Variants in WWOX observed in about 807,000 individuals in gnomAD.
WWOX encodes the protein WW domain-containing oxidoreductase.
WWOX carries 69 observed loss-of-function variants against 46.2 expected under a neutral mutation model. The ratio of observed to expected loss-of-function variants is 1.49; its 90% CI spans 1.23 to 1.82. The LOEUF (loss-of-function observed/expected upper bound fraction) is 1.82. Ranked by LOEUF, WWOX falls within the 40% of genes most tolerant of loss-of-function variation. The pLI is 0.00. For synonymous variants in WWOX, 359 were observed against 202.6 expected, an observed-to-expected ratio of 1.77 and a Z score of -6.56; for missense variants, 919 against 542.6, an observed-to-expected ratio of 1.69 and a Z score of -6.89.
intron 8 of WWOX, among the ~76,000 whole-genome samples, chr16:78,540,696 TAA>T (rs112608692): frequency 2.1e-5 from 3 of 145,230 alleles, no homozygotes; most frequent in African/African-American, 7.5e-5. Context: ...GATATTTTGT[TAA>T]AAAAAAAAAA....
At chr16:78,723,940 G>C (rs2048761143) in intron 8 of WWOX, among the ~76,000 whole-genome samples, 1 of 152,154 alleles carries the variant, frequency 6.6e-6, no homozygotes, top group African/African-American at 2.4e-5. Flanking sequence ...GACTTCACCT[G>C]CACAGTGGTT....
rs72806768 is a variant in WWOX at position 78,933,891 on chromosome 16, C to T, written c.1057-277717C>T. Among the ~76,000 whole-genome samples, 807 of 150,702 alleles carry T rather than the reference C, an allele frequency of 5.4e-3. 2 individuals carry two copies. The highest frequency in any genetic ancestry group is 0.02 in the Middle Eastern group (6 of 294). On this transcript the variant is annotated intron_variant, in intron 8 of 8. Coordinates refer to ENST00000566780, the MANE Select transcript of WWOX (RefSeq NM_016373.4). ...GATTTGGGTGGGGACACAGCTAAACCATATCAAAACATAACTATAGCTGGG... is the reference window on the plus strand; with the variant it reads ...GATTTGGGTGGGGACACAGCTAAACTATATCAAAACATAACTATAGCTGGG...
chr16:78,376,389 T>C (rs2081826436), intron 5 of WWOX, among the ~76,000 whole-genome samples: 1 of 152,238 alleles, frequency 6.6e-6, no homozygotes, highest in Admixed American at 6.5e-5. Flanking sequence ...GAAAATATAC[T>C]CTGGAAGGAT....
chr16:78,358,672 ATGTGTGTG>A (rs59222504), intron 5 of WWOX, among the ~76,000 whole-genome samples: 15 of 151,346 alleles, frequency 9.9e-5, no homozygotes, highest in African/African-American at 1.5e-4. Context: ...AATAAATAAT[ATGTGTGTG>A]TGTGTGTGTG....
intron 8 of WWOX, among the ~76,000 whole-genome samples, chr16:79,002,616 G>C (rs936213590): frequency 7.2e-5 from 11 of 152,172 alleles, no homozygotes; most frequent in African/African-American, 2.7e-4. Flanking sequence ...TTTGAGCTCT[G>C]ACTTTGCATG....
At chr16:78,571,783 G>C (rs139127290) in intron 8 of WWOX, among the ~76,000 whole-genome samples, 4 of 152,224 alleles carry the variant, frequency 2.6e-5, no homozygotes, top group African/African-American at 9.6e-5. Flanking sequence ...CAGGAGAATC[G>C]CTGGAACCCG....
intron 8 of WWOX, among the ~76,000 whole-genome samples, chr16:78,443,324 C>G (rs886190892): frequency 6.6e-6 from 1 of 151,670 alleles, no homozygotes; most frequent in Non-Finnish European, 1.5e-5. Flanking sequence ...AAAAAAAACC[C>G]AAAACTATAT....
At chr16:78,851,664 G>A (rs911353377) in intron 8 of WWOX, among the ~76,000 whole-genome samples, 2 of 152,294 alleles carry the variant, frequency 1.3e-5, no homozygotes, top group Non-Finnish European at 1.5e-5. Context: ...AATCTTGGCT[G>A]AGGCAATACG....
intron 8 of WWOX, among the ~76,000 whole-genome samples, chr16:78,792,811 G>C (rs774662894): frequency 6.6e-6 from 1 of 152,150 alleles, no homozygotes; most frequent in African/African-American, 2.4e-5. Context: ...AAGATTGCCA[G>C]CAGGGAGCTC....
chr16:79,004,924 C>T (rs1349631908), intron 8 of WWOX, among the ~76,000 whole-genome samples: 4 of 151,982 alleles, frequency 2.6e-5, no homozygotes, highest in African/African-American at 4.8e-5. Context: ...GGCCTTTATG[C>T]ATTTAGAGCT....
chr16:78,958,375 C>G (rs988593673), intron 8 of WWOX, among the ~76,000 whole-genome samples: 8 of 152,174 alleles, frequency 5.3e-5, no homozygotes. Flanking sequence ...TACAAACCCC[C>G]ATGGAAATAT....
At chr16:78,139,149 GGTTA>G (rs1485698055) in intron 4 of WWOX, among the ~76,000 whole-genome samples, 2 of 152,126 alleles carry the variant, frequency 1.3e-5, no homozygotes, top group East Asian at 1.9e-4. Flanking sequence ...GTGAATGGCT[GGTTA>G]GTTGGTAGAA....
At chr16:78,334,937 AAG>A (rs1491051842) in intron 5 of WWOX, among the ~76,000 whole-genome samples, 12 of 129,062 alleles carry the variant, frequency 9.3e-5, no homozygotes, top group Non-Finnish European at 1.2e-4. Flanking sequence ...AAAAAAAAAA[AAG>A]GCAGCAAAAT....
chr16:78,492,256 C>T (rs1366507045), intron 8 of WWOX, among the ~76,000 whole-genome samples: 1 of 152,156 alleles, frequency 6.6e-6, no homozygotes, highest in Non-Finnish European at 1.5e-5. Flanking sequence ...AGAGGTTGGA[C>T]GAGACACTCA....
At chr16:78,320,021 C>G (rs753246699) in intron 5 of WWOX, among the ~76,000 whole-genome samples, 38 of 152,174 alleles carry the variant, frequency 2.5e-4, no homozygotes, top group Non-Finnish European at 8.8e-5. Context: ...TTTCTTAGCA[C>G]TTATCATGCT....
intron 8 of WWOX, among the ~76,000 whole-genome samples, chr16:78,629,560 CT>C (rs2046381070): frequency 6.6e-6 from 1 of 152,168 alleles, no homozygotes; most frequent in Non-Finnish European, 1.5e-5. Flanking sequence ...TAACAAAATC[CT>C]TTCCAGGGCC....
chr16:78,318,272 A>ATTTTTTTTTTTTTTTTTTTTTTTTTTT (rs34730954), intron 5 of WWOX, among the ~76,000 whole-genome samples: 2 of 123,568 alleles, frequency 1.6e-5, no homozygotes, highest in African/African-American at 3.2e-5. Context: ...TCTGGGAGGA[A>ATTTTTTTTTTTTTTTTTTTTTTTTTTT]TTTTTTTTTT....
intron 8 of WWOX, among the ~76,000 whole-genome samples, chr16:78,594,849 G>A (rs1360263798): frequency 1.3e-5 from 2 of 152,094 alleles, no homozygotes; most frequent in East Asian, 3.9e-4. Flanking sequence ...TAGTTTCTCT[G>A]TTTCAAATCC....
chr16:78,610,097 C>A (rs2045864373), intron 8 of WWOX, among the ~76,000 whole-genome samples: 1 of 152,104 alleles, frequency 6.6e-6, no homozygotes, highest in Admixed American at 6.5e-5. Flanking sequence ...CTTTGCTGGT[C>A]TGTGGCAAGG....
Sources: allele counts gnomAD v4.1 joint callset (sites outside exome capture counted in the v4.1 genomes callset), GRCh38; gene constraint gnomAD v4.1.1; transcripts MANE v1.5; gene names NCBI Gene and HGNC (gene_info 2026-07-23, HGNC 2026-07-21).